MCM9: variants seen among roughly 807,000 people sequenced by gnomAD.
MCM9 encodes the protein DNA helicase MCM9.
MCM9 carries 55 observed loss-of-function variants against 72.8 expected under a neutral mutation model. The observed-to-expected ratio is 0.76, with a 90% confidence interval of 0.61 to 0.95. MCM9 has a LOEUF of 0.95. Ranked by LOEUF, MCM9 falls within the 40% of genes least tolerant of loss-of-function variation. The pLI is 0.00. For synonymous variants in MCM9, 480 were observed against 503.4 expected, an observed-to-expected ratio of 0.95 and a Z score of 0.62; for missense variants, 1,279 against 1,377.0, an observed-to-expected ratio of 0.93 and a Z score of 1.13.
intron 10 of MCM9, 41 bp from the exon 11 acceptor site, chr6:118,828,171 G>A: frequency 7.0e-7 from 1 of 1,427,478 alleles, no homozygotes; most frequent in Non-Finnish European, 9.5e-7. Flanking sequence ...TCTTAGGACA[G>A]GCAAACATCT....
chr6:118,826,835 C>T lies in MCM9; in HGVS notation c.1762G>A (p.Val588Ile), dbSNP rs1774201077. 1.9e-6 allele frequency: 3 copies of T among 1,550,398 alleles called. No individual in the cohort carries two copies. The highest frequency in any genetic ancestry group is 2.6e-6 in the Non-Finnish European group (3 of 1,146,900). ...ACCGTAATAGCGTCTTCCAGAGTTA[C>T]AGTATCACGAAACATCAGGCGAGCA... ...AHARLMFRDT[V>I]TLEDAITVVS... The change falls in exon 12 of 14, where the codon GTA (valine) becomes ATA (isoleucine). Residue 588 changes from valine to isoleucine, a missense_variant. Val to Ile is a conservative substitution (Grantham distance 29). Transcript: ENST00000619706.
Position 118,923,939 on chromosome 6 carries a change from T to A in MCM9, c.493A>T (p.Thr165Ser). 2 of 1,614,166 alleles carry A rather than the reference T, an allele frequency of 1.2e-6. No individual in the cohort carries two copies. Among genetic ancestry groups the A allele is most frequent in the Non-Finnish European group, 1.7e-6 (2 of 1,180,032 alleles). Residue 165 changes from threonine (T) to serine (S), a missense_variant, in exon 4 of 14, where the codon ACC becomes TCC. By Grantham distance (58) the Thr-to-Ser change is moderately conservative. Coordinates refer to ENST00000619706, the MANE Select transcript of MCM9 (RefSeq NM_017696.3). Reference sequence around the variant, plus strand: ...GGACACGAGGATGGCCGGCAAAAGGTGTAATACTGCTCAAAGTCAGCCTTG... The same window carrying A: ...GGACACGAGGATGGCCGGCAAAAGGAGTAATACTGCTCAAAGTCAGCCTTG... ...VIKADFEQYY[T>S]FCRPSSCPSL...
chr6:118,864,802 G>A (rs1382863534), intron 8 of MCM9, among the ~76,000 whole-genome samples: 1 of 152,130 alleles, frequency 6.6e-6, no homozygotes, highest in Non-Finnish European at 1.5e-5. Flanking sequence ...ATAAAATTGT[G>A]GTGGTTTGCT....
intron 9 of MCM9, among the ~76,000 whole-genome samples, chr6:118,844,482 A>G (rs1775721866): frequency 6.6e-6 from 1 of 151,798 alleles, no homozygotes. Context: ...CAAAAAAGCC[A>G]ACATGTACTA....
At chr6:118,873,192 AGGAGG>A (rs1185119151) in intron 8 of MCM9, among the ~76,000 whole-genome samples, 10 of 48,730 alleles carry the variant, frequency 2.1e-4, no homozygotes, top group Admixed American at 2.3e-4. Context: ...GGGAGGGGAG[AGGAGG>A]GGAGGGGAGG....
chr6:118,901,115 A>C (rs150587190), intron 8 of MCM9: 125 of 397,474 alleles, frequency 3.1e-4, no homozygotes, highest in South Asian at 1.8e-3. Flanking sequence ...AGAGAGATGA[A>C]CAACCTACAG....
At position 118,931,744 on chromosome 6, in the gene MCM9, G is replaced by GAAAA; in HGVS notation, c.-15-10_-15-7dup. On this transcript the variant is annotated splice_polypyrimidine_tract_variant and splice_region_variant and intron_variant, in intron 2 of 13. Transcript: ENST00000619706. ...TTCATCTTGAATCTAGGTAACTAAAGAAAAAAAAAAGGATCATATTATATA... is the reference window on the plus strand; with the variant it reads ...TTCATCTTGAATCTAGGTAACTAAAGAAAAAAAAAAAAAAGGATCATATTATATA... 1 of 1,342,110 alleles carries GAAAA rather than the reference G, an allele frequency of 7.5e-7. No individual in the cohort carries two copies. The highest frequency in any genetic ancestry group is 9.9e-7 in the Non-Finnish European group (1 of 1,012,016). The allele number at this position is 1,342,110 out of a possible 1,614,324, so 83.1% of individuals were successfully genotyped here. A position where few individuals can be genotyped will look rare whatever the true frequency, so the allele number is the denominator to read the frequency against.
At position 118,829,456 on chromosome 6, in the gene MCM9, G is replaced by A. The variant is rs183003186; in HGVS notation, c.1326-206C>T. On this transcript the variant is annotated intron_variant, in intron 9 of 13. Transcript: ENST00000619706. ...TATTCTATCTTAAAGAGAAGTAACCGTTCAATAAACACTTTTTATGCCCCT... is the reference window on the plus strand; with the variant it reads ...TATTCTATCTTAAAGAGAAGTAACCATTCAATAAACACTTTTTATGCCCCT... Among the ~76,000 whole-genome samples, 237 of 152,226 alleles carry A rather than the reference G, an allele frequency of 1.6e-3. 6 individuals are homozygous for A. Among genetic ancestry groups the A allele is most frequent in the Non-Finnish European group, 4.0e-4 (27 of 68,016 alleles).
intron 8 of MCM9, among the ~76,000 whole-genome samples, chr6:118,904,843 GT>G (rs1464244096): frequency 2.6e-5 from 4 of 152,184 alleles, no homozygotes; most frequent in African/African-American, 9.6e-5. Context: ...TTTCAGTTTT[GT>G]TTTGTTTTGT....
At chr6:118,873,154 A>C (rs1239897876) in intron 8 of MCM9, among the ~76,000 whole-genome samples, 2 of 134,838 alleles carry the variant, frequency 1.5e-5, no homozygotes, top group African/African-American at 5.4e-5. Flanking sequence ...CCTAGGTAAC[A>C]CAGTGAGACA....
chr6:118,839,229 TC>T (rs924392727), intron 9 of MCM9, among the ~76,000 whole-genome samples: 1 of 151,912 alleles, frequency 6.6e-6, no homozygotes, highest in Non-Finnish European at 1.5e-5. Context: ...CATTGATACT[TC>T]CGTATGCTTC....
At chr6:118,893,985 C>T in intron 8 of MCM9, 2 of 983,760 alleles carry the variant, frequency 2.0e-6, no homozygotes, top group Non-Finnish European at 2.4e-6. Context: ...GCGCCGCCGC[C>T]GGCGGCCTCC....
intron 8 of MCM9, among the ~76,000 whole-genome samples, chr6:118,857,620 A>G (rs535895463): frequency 3.4e-4 from 47 of 138,594 alleles, no homozygotes; most frequent in African/African-American, 1.3e-3. Context: ...TTCTGTCCAG[A>G]CTGACCAAAA....
At chr6:118,819,680 G>GTTTCAGT (rs1250721785) in intron 13 of MCM9, among the ~76,000 whole-genome samples, 3 of 152,128 alleles carry the variant, frequency 2.0e-5, no homozygotes, top group Admixed American at 1.3e-4. Context: ...GTTTGAAATA[G>GTTTCAGT]TTTCAGAAGG....
intron 13 of MCM9, among the ~76,000 whole-genome samples, chr6:118,822,124 T>G (rs1773856301): frequency 6.6e-6 from 1 of 152,228 alleles, no homozygotes. Context: ...AGCCTACTTC[T>G]GTCAATTCGT....
chr6:118,849,025 G>GT (rs1362121044), intron 9 of MCM9, among the ~76,000 whole-genome samples: 2 of 151,794 alleles, frequency 1.3e-5, no homozygotes, highest in Non-Finnish European at 2.9e-5. Flanking sequence ...ACCAATAAAT[G>GT]TAAGTGTGCT....
intron 8 of MCM9, among the ~76,000 whole-genome samples, chr6:118,880,023 G>C (rs36190293): frequency 2.1e-4 from 32 of 151,300 alleles, no homozygotes; most frequent in Non-Finnish European, 2.9e-4. Flanking sequence ...CAGAGTGAGA[G>C]TGCACAAAAC....
chr6:118,826,585 T>C (rs769896657), intron 12 of MCM9, among the ~76,000 whole-genome samples, 197 bp downstream of exon 12: 2 of 152,184 alleles, frequency 1.3e-5, no homozygotes, highest in African/African-American at 2.4e-5. Context: ...GCAAAAGCAA[T>C]GCCACCCATG....
intron 9 of MCM9, among the ~76,000 whole-genome samples, chr6:118,854,470 A>G (rs1024506286): frequency 6.6e-6 from 1 of 152,222 alleles, no homozygotes; most frequent in African/African-American, 2.4e-5. Context: ...CTCCTGCCTC[A>G]GCCTCCCGAG....
Sources: gnomAD v4.1 joint callset for allele counts (sites outside exome capture counted in the v4.1 genomes callset) on GRCh38, gnomAD v4.1.1 for gene constraint, MANE v1.5 for transcripts, NCBI Gene and HGNC (gene_info 2026-07-23, HGNC 2026-07-21) for gene names.